Variants in CDH9 observed in about 807,000 individuals in gnomAD.
CDH9 encodes the protein cadherin-9.
CDH9 carries 28 observed loss-of-function variants against 70.9 expected under a neutral mutation model. The observed-to-expected ratio is 0.40, with a 90% confidence interval of 0.29 to 0.54. The LOEUF is 0.54. CDH9 is among the 20% of genes least tolerant of loss of function. CDH9 has a pLI of 0.59. For synonymous variants in CDH9, 409 were observed against 343.1 expected (o/e 1.19, Z -2.12); for missense variants, 874 against 984.4 (o/e 0.89, Z 1.50).
chr5:26,985,944 G>C (rs1371420002), intron 2 of CDH9, among the ~76,000 whole-genome samples: 1 of 152,000 alleles, frequency 6.6e-6, no homozygotes, highest in African/African-American at 2.4e-5. Flanking sequence ...CAGAAAAGCA[G>C]GATAAAGAGA....
intron 2 of CDH9, among the ~76,000 whole-genome samples, chr5:26,920,707 A>G (rs1741229489): frequency 6.6e-6 from 1 of 152,100 alleles, no homozygotes; most frequent in African/African-American, 2.4e-5. Flanking sequence ...TTGCCTGGTA[A>G]TGCAGGTAAT....
chr5:26,963,762 A>C (rs1057119433), intron 2 of CDH9, among the ~76,000 whole-genome samples: 15 of 152,160 alleles, frequency 9.9e-5, no homozygotes, highest in Non-Finnish European at 1.5e-5. Flanking sequence ...ATTTCAATGG[A>C]TATTATGATG....
intron 2 of CDH9, among the ~76,000 whole-genome samples, chr5:26,985,265 C>T (rs1438087960): frequency 6.6e-6 from 1 of 152,050 alleles, no homozygotes; most frequent in Non-Finnish European, 1.5e-5. Context: ...ATTTCTAGCT[C>T]TTCTTGTCCC....
intron 2 of CDH9, among the ~76,000 whole-genome samples, chr5:26,967,096 C>A (rs368786321): frequency 6.6e-6 from 1 of 151,826 alleles, no homozygotes. Context: ...CCACGCCTGG[C>A]TAATTTTTTA....
chr5:26,885,636 T>A lies in CDH9; in HGVS notation c.1860A>T (p.Leu620=). The change falls in exon 11 of 12, where the codon CTA becomes CTT. Residue 620 remains leucine, a synonymous_variant. Coordinates refer to ENST00000231021, the MANE Select transcript of CDH9 (RefSeq NM_016279.4). ...TACTAAGCAGTATGAGGACACAGAGTAGAATCGCAACGAGAGCTCCCGTGC... is the reference window on the plus strand; with the variant it reads ...TACTAAGCAGTATGAGGACACAGAGAAGAATCGCAACGAGAGCTCCCGTGC... ...GLSTGALVAI[L]LCVLILLILV... The A allele has an allele frequency of 6.2e-7, 1 of 1,613,190 alleles. No homozygotes were observed. The highest frequency in any genetic ancestry group is 2.2e-5 in the East Asian group (1 of 44,838).
chr5:26,904,199 CAATT>C (rs1260481437), intron 5 of CDH9, among the ~76,000 whole-genome samples: 1 of 151,440 alleles, frequency 6.6e-6, no homozygotes, highest in Non-Finnish European at 1.5e-5. Context: ...AACATGTATT[CAATT>C]ATTTTTTTTA....
intron 1 of CDH9, among the ~76,000 whole-genome samples, chr5:27,010,591 C>T (rs774132922): frequency 1.2e-4 from 19 of 152,110 alleles, no homozygotes; most frequent in Admixed American, 8.5e-4. Context: ...CCCGAAAATC[C>T]TACATTGAGT....
intron 2 of CDH9, among the ~76,000 whole-genome samples, chr5:26,949,672 T>C (rs936148200): frequency 6.6e-6 from 1 of 152,164 alleles, no homozygotes; most frequent in Non-Finnish European, 1.5e-5. Flanking sequence ...TTGGGTATGT[T>C]TTAGGAACTC....
intron 2 of CDH9, among the ~76,000 whole-genome samples, chr5:26,954,384 C>CTTTTTTTTTTTTTTTTTTTTT (rs141394776): frequency 3.8e-4 from 7 of 18,352 alleles, no homozygotes; most frequent in African/African-American, 9.1e-4. Context: ...ATTATACAGC[C>CTTTTTTTTTTTTTTTTTTTTT]TTTCTTTTTT....
chr5:26,922,554 C>T (rs1219467397), intron 2 of CDH9, among the ~76,000 whole-genome samples: 1 of 151,890 alleles, frequency 6.6e-6, no homozygotes, highest in Non-Finnish European at 1.5e-5. Flanking sequence ...AGTCAGGGGA[C>T]TTCATCAACA....
At chr5:27,024,190 T>G (rs2112128601) in intron 1 of CDH9, among the ~76,000 whole-genome samples, 1 of 152,164 alleles carries the variant, frequency 6.6e-6, no homozygotes, top group African/African-American at 2.4e-5. Flanking sequence ...TTTTCACACA[T>G]TTTCAAATAT....
At chr5:26,975,459 G>A (rs1440904076) in intron 2 of CDH9, among the ~76,000 whole-genome samples, 1 of 152,160 alleles carries the variant, frequency 6.6e-6, no homozygotes, top group Non-Finnish European at 1.5e-5. Context: ...AACATGAACT[G>A]AAATAGTAAG....
At chr5:26,927,766 C>T (rs573248823) in intron 2 of CDH9, among the ~76,000 whole-genome samples, 2 of 152,130 alleles carry the variant, frequency 1.3e-5, no homozygotes, top group African/African-American at 4.8e-5. Flanking sequence ...TTGCATTTCA[C>T]AGTAAAATAA....
Position 26,890,485 on chromosome 5 carries a change from C to T in CDH9, c.1333G>A (p.Ala445Thr), listed in dbSNP as rs2111973204. 3 of 1,612,650 alleles carry T rather than the reference C, an allele frequency of 1.9e-6. No individual in the cohort carries two copies. The highest frequency in any genetic ancestry group is 3.3e-4 in the Middle Eastern group (2 of 6,054). ...SENGSIFTLK[A>T]LDRESSPWHN... ...CAAGGAGATGATTCCCGGTCAAGGG[C>T]TTTCAAAGTGAAAATAGAACCATTT... The change falls in exon 8 of 12, where the codon GCC becomes ACC. Residue 445 changes from alanine to threonine, a missense_variant. Transcript: ENST00000231021.
At chr5:26,887,162 T>G (rs1263611925) in intron 9 of CDH9, among the ~76,000 whole-genome samples, 1 of 152,076 alleles carries the variant, frequency 6.6e-6, no homozygotes, top group Non-Finnish European at 1.5e-5. Context: ...AAAGTGCTTT[T>G]GAAAGTGCAC....
At chr5:26,892,003 C>T (rs1410844126) in intron 7 of CDH9, among the ~76,000 whole-genome samples, 1 of 152,034 alleles carries the variant, frequency 6.6e-6, no homozygotes, top group Non-Finnish European at 1.5e-5. Flanking sequence ...AGAAATATGG[C>T]CCTGTTCACA....
At chr5:27,008,361 G>A (rs1410898563) in intron 1 of CDH9, among the ~76,000 whole-genome samples, 1 of 151,896 alleles carries the variant, frequency 6.6e-6, no homozygotes, top group South Asian at 2.1e-4. Context: ...GTGGTGGCGG[G>A]TGCCTGTAAT....
chr5:26,980,289 A>G (rs1282888704), intron 2 of CDH9, among the ~76,000 whole-genome samples: 2 of 151,876 alleles, frequency 1.3e-5, no homozygotes, highest in African/African-American at 2.4e-5. Context: ...CTTATTCATT[A>G]TTATTGAACA....
intron 1 of CDH9, among the ~76,000 whole-genome samples, chr5:27,002,918 T>C (rs1370222156): frequency 1.3e-5 from 2 of 148,966 alleles, no homozygotes; most frequent in African/African-American, 2.5e-5. Flanking sequence ...TAAAGTATAA[T>C]AAAAAAAGAT....
Sources: gnomAD v4.1 joint callset for allele counts (sites outside exome capture counted in the v4.1 genomes callset) on GRCh38, gnomAD v4.1.1 for gene constraint, MANE v1.5 for transcripts, NCBI Gene and HGNC (gene_info 2026-07-23, HGNC 2026-07-21) for gene names.